The following SNX8 variants were observed in gnomAD, a reference collection of about 807,000 sequenced individuals.
The protein encoded by SNX8 is sorting nexin-8.
In SNX8, 25 loss-of-function variants were observed where a neutral mutation model predicts 51.6. That is an observed-to-expected ratio of 0.48 (90% confidence interval 0.35 to 0.68). The LOEUF is 0.68. Among genes scored for constraint, SNX8 ranks in the 30% least tolerant of loss-of-function variants. The pLI, the probability that SNX8 is intolerant of heterozygous loss-of-function variation, is 0.00. For missense variants in SNX8, 695 were observed against 624.0 expected (o/e 1.11, Z -1.21); for synonymous variants, 324 against 277.0 (o/e 1.17, Z -1.68).
intron 1 of SNX8, among the ~76,000 whole-genome samples, chr7:2,333,239 G>A (rs547780228): frequency 6.6e-6 from 1 of 152,098 alleles, no homozygotes; most frequent in Non-Finnish European, 1.5e-5. Context: ...AGACCAGCCT[G>A]GCCAAGATAG....
intron 1 of SNX8, among the ~76,000 whole-genome samples, chr7:2,324,174 GT>G (rs1562458120): frequency 6.6e-6 from 1 of 151,992 alleles, no homozygotes; most frequent in African/African-American, 2.4e-5. Context: ...GCCGGGGGCA[GT>G]GGCTCACGTC....
intron 1 of SNX8, among the ~76,000 whole-genome samples, chr7:2,342,185 A>T (rs1018267355): frequency 6.6e-6 from 1 of 151,344 alleles, no homozygotes; most frequent in African/African-American, 2.4e-5. Context: ...GTCTCAAAAA[A>T]AATAATAATA....
At chr7:2,319,245 C>T (rs974093922), upstream of SNX8, among the ~76,000 whole-genome samples, 5 of 150,806 alleles carry the variant, frequency 3.3e-5, no homozygotes, top group Admixed American at 1.3e-4. Flanking sequence ...AAGAAGCTGA[C>T]GTGGGAGAAC....
At chr7:2,311,915 C>A (rs536756370) in intron 1 of SNX8, among the ~76,000 whole-genome samples, 1 of 150,606 alleles carries the variant, frequency 6.6e-6, no homozygotes, top group Non-Finnish European at 1.5e-5. Flanking sequence ...CCAGCCTGGG[C>A]GACAGAGCGA....
intron 1 of SNX8, among the ~76,000 whole-genome samples, chr7:2,325,408 A>C (rs1464021743): frequency 6.6e-6 from 1 of 152,202 alleles, no homozygotes; most frequent in Non-Finnish European, 1.5e-5. Flanking sequence ...GAGGACTTTT[A>C]GAAGGAAATG....
intron 1 of SNX8, among the ~76,000 whole-genome samples, chr7:2,340,875 A>C (rs1015404620): frequency 4.0e-5 from 6 of 148,752 alleles, no homozygotes; most frequent in Non-Finnish European, 8.9e-5. Flanking sequence ...AAAAAAAAAA[A>C]AAAAAAAAAC....
chr7:2,349,426 C>A (rs1301664657), intron 1 of SNX8, among the ~76,000 whole-genome samples: 1 of 150,786 alleles, frequency 6.6e-6, no homozygotes, highest in South Asian at 2.1e-4. Context: ...TTCACCCTAC[C>A]CCCTATATTT....
intron 3 of SNX8, among the ~76,000 whole-genome samples, chr7:2,274,502 G>A (rs529363843): frequency 6.6e-6 from 1 of 152,360 alleles, no homozygotes; most frequent in African/African-American, 2.4e-5. Flanking sequence ...CCCAAGCTCT[G>A]CAGCCCAGGG....
intron 1 of SNX8, among the ~76,000 whole-genome samples, chr7:2,320,071 G>T (rs1235517835): frequency 1.3e-5 from 2 of 152,114 alleles, no homozygotes; most frequent in East Asian, 3.9e-4. Context: ...CATTTTACAT[G>T]TGAGGCCAGG....
intron 1 of SNX8, among the ~76,000 whole-genome samples, chr7:2,331,184 CAAAA>C (rs71023397): frequency 2.6e-5 from 2 of 76,736 alleles, no homozygotes; most frequent in Admixed American, 1.6e-4. Flanking sequence ...GACTCTGTCT[CAAAA>C]AAAAAAAAAA....
chr7:2,300,996 C>T (rs1277688683), intron 1 of SNX8, among the ~76,000 whole-genome samples: 1 of 152,274 alleles, frequency 6.6e-6, no homozygotes, highest in East Asian at 1.9e-4. Flanking sequence ...CATTCTCCCA[C>T]AAAATGACTT....
At chr7:2,263,856 G>C (rs1262107426) in intron 6 of SNX8, among the ~76,000 whole-genome samples, 2 of 152,106 alleles carry the variant, frequency 1.3e-5, no homozygotes, top group Admixed American at 6.5e-5. Flanking sequence ...GAGATGACAG[G>C]CACCCGCCAC....
At chr7:2,296,666 C>T (rs1796278855) in intron 1 of SNX8, among the ~76,000 whole-genome samples, 1 of 151,924 alleles carries the variant, frequency 6.6e-6, no homozygotes, top group East Asian at 1.9e-4. Flanking sequence ...TGTGGTGGCT[C>T]ACACCTGTAA....
At chr7:2,351,591 G>T (rs191643617) in intron 1 of SNX8, among the ~76,000 whole-genome samples, 167 of 151,498 alleles carry the variant, frequency 1.1e-3, no homozygotes, top group African/African-American at 4.0e-3. Flanking sequence ...CCAGCACTTC[G>T]GGAGGCCAAG....
intron 1 of SNX8, among the ~76,000 whole-genome samples, chr7:2,291,816 C>T (rs181840961): frequency 6.6e-6 from 1 of 152,178 alleles, no homozygotes; most frequent in Admixed American, 6.5e-5. Context: ...TTTGAACCTT[C>T]CTCAACCTGT....
intron 1 of SNX8, among the ~76,000 whole-genome samples, chr7:2,305,266 A>T (rs1028301480): frequency 3.9e-5 from 6 of 152,222 alleles, no homozygotes; most frequent in Non-Finnish European, 8.8e-5. Context: ...GGGTAAATCC[A>T]ACGGGACTTG....
Position 2,263,382 on chromosome 7 carries a change from G to T in SNX8, c.783-20C>A. 1 of 1,570,858 alleles carries T rather than the reference G, an allele frequency of 6.4e-7. No individual in the cohort carries two copies. Among genetic ancestry groups the T allele is most frequent in the African/African-American group, 1.3e-5 (1 of 74,098 alleles). The stretch of plus-strand genomic sequence containing the variant: ...ATTGCACTGAGGGAGCAAGCACACA[G>T]GAGAGGAGACACTCAAGGCCTGGAG... On this transcript the variant is annotated intron_variant, in intron 6 of 10. Coordinates refer to ENST00000222990, the MANE Select transcript of SNX8 (RefSeq NM_013321.4).
rs1235181513 is a variant in SNX8, at chr7:2,268,071, G to A, written c.621+1488C>T. On this transcript the variant is annotated intron_variant, in intron 5 of 10. Transcript: ENST00000222990. ...CCCCGTCCGGGAGGGAGATGGGGGG[G>A]TCAGCCCCACCACCTGGCCAGCCGC... Among the ~76,000 whole-genome samples the A allele has an allele frequency of 1.0e-3, 147 of 140,806 alleles. 4 individuals are homozygous for A. The highest frequency in any genetic ancestry group is 3.8e-3 in the African/African-American group (141 of 37,194). 92.4% of individuals were successfully genotyped at this position (140,806 alleles called of 152,430 possible).
At position 2,254,944 on chromosome 7, in the gene SNX8, C is replaced by A; in HGVS notation, c.*112G>T. The A allele has an allele frequency of 5.2e-6, 4 of 770,880 alleles. No individual in the cohort carries two copies. The highest frequency in any genetic ancestry group is 8.8e-6 in the Non-Finnish European group (4 of 452,428). 47.8% of individuals were successfully genotyped at this position (770,880 alleles called of 1,614,324 possible). ...GTGAGCTCCTCTGCTCCAGCTGCAGCACGGGGCGTGGCGGGGAGGGGAGCT... is the reference window on the plus strand; with the variant it reads ...GTGAGCTCCTCTGCTCCAGCTGCAGAACGGGGCGTGGCGGGGAGGGGAGCT... On this transcript the variant is annotated 3_prime_UTR_variant, in exon 11 of 11. Transcript: ENST00000222990.
Sources: gnomAD v4.1 joint callset for allele counts (sites outside exome capture counted in the v4.1 genomes callset) on GRCh38, gnomAD v4.1.1 for gene constraint, MANE v1.5 for transcripts, NCBI Gene and HGNC (gene_info 2026-07-23, HGNC 2026-07-21) for gene names.